Variants in SPATC1L observed in about 807,000 individuals in gnomAD.
SPATC1L encodes the protein spermatogenesis and centriole associated 1 like, also known as speriolin-like protein.
Under a neutral mutation model 21.2 loss-of-function variants are expected in SPATC1L, and 20 were observed. The ratio of observed to expected loss-of-function variants is 0.94; its 90% CI spans 0.66 to 1.37. The LOEUF (loss-of-function observed/expected upper bound fraction) is 1.37. Among genes scored for constraint, SPATC1L ranks in the 40% most tolerant of loss-of-function variants. The pLI is 0.00. For missense variants in SPATC1L, 499 were observed against 478.7 expected, an observed-to-expected ratio of 1.04 and a Z score of -0.40; for synonymous variants, 290 against 234.5, an observed-to-expected ratio of 1.24 and a Z score of -2.16.
chr21:46,182,972 G>A lies in SPATC1L; in HGVS notation c.-156C>T. On this transcript the variant is annotated 5_prime_UTR_variant, in exon 2 of 5. Transcript: ENST00000291672. ...GATGTCACTGCCCTAGTGATGAGGT[G>A]CCCAGCACCCTGCCTGCCCCCGCGA... 2 of 778,532 alleles carry A rather than the reference G, an allele frequency of 2.6e-6. No homozygotes were observed. Among genetic ancestry groups the A allele is most frequent in the Non-Finnish European group, 3.9e-6 (2 of 518,940 alleles). The allele number at this position is 778,532 out of a possible 1,614,324, so 48.2% of individuals were successfully genotyped here.
At chr21:46,172,502 C>T (rs1481715947) in intron 2 of SPATC1L, among the ~76,000 whole-genome samples, 1 of 152,234 alleles carries the variant, frequency 6.6e-6, no homozygotes, top group Non-Finnish European at 1.5e-5. Context: ...TCCACAGCAT[C>T]CAGCCTGTGC....
intron 2 of SPATC1L, among the ~76,000 whole-genome samples, chr21:46,171,463 CA>C (rs2079590218): frequency 6.6e-6 from 1 of 150,402 alleles, no homozygotes; most frequent in Non-Finnish European, 1.5e-5. Flanking sequence ...ACAAAGGAAC[CA>C]ACTAATCTTC....
chr21:46,179,544 C>G (rs62215182), intron 2 of SPATC1L, among the ~76,000 whole-genome samples: 15,628 of 152,240 alleles, frequency 0.1, 996 homozygotes, highest in Middle Eastern at 0.15. Flanking sequence ...TCCGAATCGG[C>G]AATATTGCAG....
intron 3 of SPATC1L, 68 bp from the exon 4 acceptor site, chr21:46,162,135 C>T (rs1455482029): frequency 4.8e-6 from 7 of 1,466,862 alleles, no homozygotes; most frequent in South Asian, 3.9e-5. Flanking sequence ...AGGGTGCCCT[C>T]GGCCACGTGG....
At chr21:46,179,800 G>A (rs957425265) in intron 2 of SPATC1L, among the ~76,000 whole-genome samples, 1 of 152,240 alleles carries the variant, frequency 6.6e-6, no homozygotes, top group Non-Finnish European at 1.5e-5. Flanking sequence ...ACAATCCCGA[G>A]GGAGACGAGA....
chr21:46,174,358 A>C (rs1210580897), intron 2 of SPATC1L, among the ~76,000 whole-genome samples: 2 of 151,364 alleles, frequency 1.3e-5, no homozygotes, highest in Non-Finnish European at 2.9e-5. Flanking sequence ...AAAAAAAAAA[A>C]AACAGAATGG....
intron 2 of SPATC1L, 98 bp from the exon 3 acceptor site, chr21:46,168,756 C>A (rs1194984360): frequency 1.3e-6 from 1 of 766,580 alleles, no homozygotes; most frequent in Non-Finnish European, 1.8e-6. Flanking sequence ...TGCACCCCAC[C>A]CCAAGCTTCA....
chr21:46,168,754 AC>A lies in SPATC1L; in HGVS notation c.194-97del, dbSNP rs1483234760. On this transcript the variant is annotated intron_variant, in intron 2 of 4. Transcript: ENST00000291672. ...CATGTTAACAACCCCTATGCACCCC[AC>A]CCCAAGCTTCAACACCTGCCGGGGT... 22 of 774,554 alleles carry A rather than the reference AC, an allele frequency of 2.8e-5. No individual in the cohort carries two copies. The East Asian group carries it at 6.2e-4, about 22-fold the overall frequency. The allele number at this position is 774,554 out of a possible 1,614,324, so 48.0% of individuals were successfully genotyped here. A position where few individuals can be genotyped will look rare whatever the true frequency, so the allele number is the denominator to read the frequency against.
In SPATC1L at chr21:46,168,552, G is replaced by A. The variant is rs1318849997; in HGVS notation, c.300C>T (p.Asp100=). The stretch of plus-strand genomic sequence containing the variant: ...GGGCTGCACAGCCCGGGGAGGTGTC[G>A]TCCTCGCTGGACAGGGGGGCATGTG... ...LCSHAPLSSE[D]DTSPGCAAPS... The change falls in exon 3 of 5, where the codon GAC becomes GAT. Residue 100 remains aspartate, a synonymous_variant. Coordinates refer to ENST00000291672, the MANE Select transcript of SPATC1L (RefSeq NM_001142854.2). 2.6e-5 allele frequency: 39 copies of A among 1,503,640 alleles called. No homozygotes were observed. The East Asian group carries it at 3.3e-4, about 13-fold the overall frequency. 93.1% of individuals were successfully genotyped at this position (1,503,640 alleles called of 1,614,324 possible). A position where few individuals can be genotyped will look rare whatever the true frequency, so the allele number is the denominator to read the frequency against.
At chr21:46,167,779 A>T (rs543928641) in intron 3 of SPATC1L, among the ~76,000 whole-genome samples, 2 of 152,340 alleles carry the variant, frequency 1.3e-5, no homozygotes, top group Admixed American at 1.3e-4. Flanking sequence ...TGCAAACCTC[A>T]CACCATATAT....
At chr21:46,178,899 AC>A (rs967666422) in intron 2 of SPATC1L, among the ~76,000 whole-genome samples, 1 of 151,760 alleles carries the variant, frequency 6.6e-6, no homozygotes, top group Admixed American at 6.6e-5. Context: ...AAACAAACAA[AC>A]AAAAAACCAT....
rs1453380315 is a variant in SPATC1L at position 46,161,645 on chromosome 21, G to C, written c.757C>G (p.Arg253Gly). 1.2e-6 allele frequency: 2 copies of C among 1,609,734 alleles called. No individual in the cohort carries two copies. Among genetic ancestry groups the C allele is most frequent in the East Asian group, 2.2e-5 (1 of 44,784 alleles). Residue 253 changes from arginine (R) to glycine (G), a missense_variant, in exon 5 of 5, where the codon CGC (arginine) becomes GGC (glycine). Coordinates refer to ENST00000291672, the MANE Select transcript of SPATC1L (RefSeq NM_001142854.2). The part of the protein sequence containing the change: ...DERKLRELTQ[R>G]YLALSARLEK... Reference sequence around the variant, plus strand: ...AGGCGCGCGCTCAGGGCCAGGTAGCGCTGCGTCAGCTCGCGCAGCTTCCTC... The same window carrying C: ...AGGCGCGCGCTCAGGGCCAGGTAGCCCTGCGTCAGCTCGCGCAGCTTCCTC...
At chr21:46,176,814 G>T (rs1262751561) in intron 2 of SPATC1L, among the ~76,000 whole-genome samples, 1 of 152,088 alleles carries the variant, frequency 6.6e-6, no homozygotes, top group Admixed American at 6.6e-5. Flanking sequence ...AAAAGAGCCC[G>T]AATAGCCAAG....
In SPATC1L at chr21:46,182,727, C is replaced by A; in HGVS notation, c.90G>T (p.Met30Ile). Residue 30 changes from methionine to isoleucine, a missense_variant, in exon 2 of 5, where the codon ATG becomes ATT. Transcript: ENST00000291672. ...AGCTCTGGCTGAGCAGCCGCCGCAG[C>A]ATCTGATTCTCCTTCAGGAGGCGCA... ...KQVRLLKENQ[M>I]LRRLLSQSCQ... 2 of 1,547,590 alleles carry A rather than the reference C, an allele frequency of 1.3e-6. No homozygotes were observed. Among genetic ancestry groups the A allele is most frequent in the Non-Finnish European group, 1.7e-6 (2 of 1,146,700 alleles).
chr21:46,165,303 G>T (rs1488694803), intron 3 of SPATC1L, among the ~76,000 whole-genome samples: 1 of 152,170 alleles, frequency 6.6e-6, no homozygotes, highest in Non-Finnish European at 1.5e-5. Flanking sequence ...TATGATTAAT[G>T]GTCCCTGAGT....
Position 46,182,845 on chromosome 21 carries a change from G to C in SPATC1L, c.-29C>G. 1.3e-6 allele frequency: 2 copies of C among 1,491,980 alleles called. No individual in the cohort carries two copies. Among genetic ancestry groups the C allele is most frequent in the Non-Finnish European group, 1.8e-6 (2 of 1,116,870 alleles). 92.4% of individuals were successfully genotyped at this position (1,491,980 alleles called of 1,614,324 possible). ...GGGTGCGTCCCTCCTTGTCCCTCAC[G>C]GCTCCTGCAGCCCCATGGAGGTGGG... On this transcript the variant is annotated 5_prime_UTR_variant, in exon 2 of 5. Coordinates refer to ENST00000291672, the MANE Select transcript of SPATC1L (RefSeq NM_001142854.2).
At chr21:46,166,582 G>A (rs1032110545) in intron 3 of SPATC1L, among the ~76,000 whole-genome samples, 2 of 150,158 alleles carry the variant, frequency 1.3e-5, no homozygotes, top group African/African-American at 2.4e-5. Flanking sequence ...TAAAGGGATA[G>A]AAAAGGATAT....
Position 46,183,119 on chromosome 21 carries a change from A to T in SPATC1L, c.-303T>A, listed in dbSNP as rs889420399. On this transcript the variant is annotated 5_prime_UTR_variant, in exon 2 of 5. Coordinates refer to ENST00000291672, the MANE Select transcript of SPATC1L (RefSeq NM_001142854.2). Reference sequence around the variant, plus strand: ...CATTAGGCAGCTACGGGATGTAGCGACTGTACTCCAAGAGGGGCGTCCAAG... The same window carrying T: ...CATTAGGCAGCTACGGGATGTAGCGTCTGTACTCCAAGAGGGGCGTCCAAG... 1 of 407,328 alleles carries T rather than the reference A, an allele frequency of 2.5e-6. No homozygotes were observed. Among genetic ancestry groups the T allele is most frequent in the African/African-American group, 2.1e-5 (1 of 48,346 alleles). 25.2% of individuals were successfully genotyped at this position (407,328 alleles called of 1,614,324 possible).
chr21:46,168,588 G>A lies in SPATC1L; in HGVS notation c.264C>T (p.Asp88=), dbSNP rs1176047226. 5 of 1,439,666 alleles carry A rather than the reference G, an allele frequency of 3.5e-6. No homozygotes were observed. In the African/African-American group the frequency reaches 5.7e-5, roughly 16 times the overall value. 89.2% of individuals were successfully genotyped at this position (1,439,666 alleles called of 1,614,324 possible). A position where few individuals can be genotyped will look rare whatever the true frequency, so the allele number is the denominator to read the frequency against. Residue 88 remains aspartate, a synonymous_variant, in exon 3 of 5, where the codon GAC becomes GAT. Transcript: ENST00000291672. The stretch of plus-strand genomic sequence containing the variant: ...ACAGGGGGGCATGTGAGCACAGCAG[G>A]TCCTCCAGGGAGGATGTCTGCAGTT... The part of the protein sequence containing the change: ...PSQLQTSSLE[D]LLCSHAPLSS...
Sources: gnomAD v4.1 joint callset for allele counts (sites outside exome capture counted in the v4.1 genomes callset) on GRCh38, gnomAD v4.1.1 for gene constraint, MANE v1.5 for transcripts, NCBI Gene and HGNC (gene_info 2026-07-23, HGNC 2026-07-21) for gene names.